Variants in KLB observed in about 807,000 individuals in gnomAD.
The protein encoded by KLB is beta-klotho.
Under a neutral mutation model 88.4 loss-of-function variants are expected in KLB, and 44 were observed. The ratio of observed to expected loss-of-function variants is 0.50; its 90% CI spans 0.39 to 0.64. The LOEUF (loss-of-function observed/expected upper bound fraction) is 0.64. Ranked by LOEUF, KLB falls within the 30% of genes least tolerant of loss-of-function variation. KLB has a pLI of 0.00. For missense variants in KLB, 1,137 were observed against 1,304.8 expected, an observed-to-expected ratio of 0.87 and a Z score of 1.98; for synonymous variants, 548 against 513.4, an observed-to-expected ratio of 1.07 and a Z score of -0.91.
intron 1 of KLB, among the ~76,000 whole-genome samples, chr4:39,432,024 C>T (rs1435131551): frequency 2.0e-5 from 3 of 152,134 alleles, no homozygotes; most frequent in Non-Finnish European, 4.4e-5. Context: ...CAGTGGCTCA[C>T]GCCTGTAATC....
intron 1 of KLB, among the ~76,000 whole-genome samples, chr4:39,409,442 G>C (rs954419725): frequency 6.6e-6 from 1 of 151,224 alleles, no homozygotes; most frequent in Admixed American, 6.6e-5. Flanking sequence ...ACAGGCACAT[G>C]CCACCAGCCC....
chr4:39,432,523 AT>A (rs1193588060), intron 1 of KLB, among the ~76,000 whole-genome samples: 5 of 151,486 alleles, frequency 3.3e-5, no homozygotes, highest in African/African-American at 9.7e-5. Context: ...CTGGCTTTTA[AT>A]TTTTTTTTAA....
chr4:39,411,809 G>T (rs137986619), intron 1 of KLB: 4 of 151,988 alleles, frequency 2.6e-5, no homozygotes, highest in Admixed American at 1.3e-4. Flanking sequence ...AACATAGCAA[G>T]ACCCCCTTCT....
In KLB at chr4:39,437,897, A is replaced by G. The variant is rs556750255; in HGVS notation, c.1507A>G (p.Ile503Val). The G allele has an allele frequency of 1.2e-6, 2 of 1,612,388 alleles. No homozygotes were observed. Among genetic ancestry groups the G allele is most frequent in the African/African-American group, 2.7e-5 (2 of 75,020 alleles). Residue 503 changes from isoleucine to valine, a missense_variant, in exon 3 of 5, where the codon ATA becomes GTA. Ile to Val is a conservative substitution (Grantham distance 29). Coordinates refer to ENST00000257408, the MANE Select transcript of KLB (RefSeq NM_175737.4). ...TTCAGCACACTACTACAAACAGATC[A>G]TACGAGAAAATGGTTTTTCTTTAAA... ...KSSAHYYKQI[I>V]RENGFSLKES...
rs1305509971 is a variant in KLB at position 39,415,011 on chromosome 4, G to A, written c.825+7237G>A. On this transcript the variant is annotated intron_variant, in intron 1 of 4. Coordinates refer to ENST00000257408, the MANE Select transcript of KLB (RefSeq NM_175737.4). ...GGTTTTTTGGTTTGTTTTTTGAGAA[G>A]GAGTGATTCTCCTGCCTCAGCCTCC... Among the ~76,000 whole-genome samples the A allele has an allele frequency of 2.0e-5, 3 of 151,780 alleles. No individual in the cohort carries two copies. In the East Asian group the frequency reaches 5.8e-4, roughly 29 times the overall value.
At chr4:39,434,135 A>G in intron 1 of KLB, 75 bp from the exon 2 acceptor site, 1 of 1,363,792 alleles carries the variant, frequency 7.3e-7, no homozygotes, top group Non-Finnish European at 1.0e-6. Context: ...TTATCCATGA[A>G]AAGGCCATTT....
At position 39,438,956 on chromosome 4, in the gene KLB, GCA is replaced by G. The variant is rs540672668; in HGVS notation, c.1605+964_1605+965del. ...ACATACTGTCTTCAAGCTTCCACAT[GCA>G]CAGTGATTTAACTGCTCTATGTATG... On this transcript the variant is annotated intron_variant, in intron 3 of 4. Transcript: ENST00000257408. Among the ~76,000 whole-genome samples, 660 of 151,612 alleles carry G rather than the reference GCA, an allele frequency of 4.4e-3. 4 individuals are homozygous for G. The highest frequency in any genetic ancestry group is 0.016 in the African/African-American group (644 of 41,326).
chr4:39,432,216 G>C (rs1743380705), intron 1 of KLB, among the ~76,000 whole-genome samples: 1 of 152,188 alleles, frequency 6.6e-6, no homozygotes, highest in South Asian at 2.1e-4. Flanking sequence ...GAACCTGAGA[G>C]GTGGAGGTTG....
chr4:39,442,150 A>G (rs1743612566), intron 3 of KLB, among the ~76,000 whole-genome samples: 1 of 152,046 alleles, frequency 6.6e-6, no homozygotes, highest in Admixed American at 6.6e-5. Flanking sequence ...AGGCTGAGGC[A>G]GGAGAATCGC....
At chr4:39,408,905 GTAATT>G (rs1036404661) in intron 1 of KLB, among the ~76,000 whole-genome samples, 1 of 105,676 alleles carries the variant, frequency 9.5e-6, no homozygotes, top group Non-Finnish European at 2.4e-5. Flanking sequence ...GCTACAAAAA[GTAATT>G]TAATTATTAA....
intron 3 of KLB, among the ~76,000 whole-genome samples, chr4:39,440,343 C>T (rs1278600719): frequency 6.6e-6 from 1 of 150,912 alleles, no homozygotes; most frequent in Non-Finnish European, 1.5e-5. Context: ...TGGGGTTTCA[C>T]TTTGTTGACC....
At chr4:39,433,815 G>C (rs919348243) in intron 1 of KLB, among the ~76,000 whole-genome samples, 1 of 151,992 alleles carries the variant, frequency 6.6e-6, no homozygotes, top group African/African-American at 2.4e-5. Flanking sequence ...AGCTGAGATC[G>C]CACCACTACA....
chr4:39,447,024 G>C lies in KLB; in HGVS notation c.2298G>C (p.Gln766His), dbSNP rs140355451. 1 of 1,611,440 alleles carries C rather than the reference G, an allele frequency of 6.2e-7. No individual in the cohort carries two copies. The highest frequency in any genetic ancestry group is 1.1e-5 in the South Asian group (1 of 91,078). ...SHWRAAERFL[Q>H]FEIAWFAEPL... ...GGAGGGCGGCCGAGCGCTTCCTGCA[G>C]TTCGAGATCGCCTGGTTCGCCGAGC... Residue 766 changes from glutamine (Q) to histidine (H), a missense_variant, in exon 4 of 5, where the codon CAG becomes CAC. Gln to His is a conservative substitution (Grantham distance 24). Coordinates refer to ENST00000257408, the MANE Select transcript of KLB (RefSeq NM_175737.4).
In KLB at chr4:39,450,052, GCAA is replaced by G; in HGVS notation, c.*1370_*1372del. 1 of 152,234 alleles carries G rather than the reference GCAA, an allele frequency of 6.6e-6. No homozygotes were observed. The highest frequency in any genetic ancestry group is 1.9e-4 in the East Asian group (1 of 5,206). The allele number at this position is 152,234 out of a possible 1,614,324, so 9.4% of individuals were successfully genotyped here. A position where few individuals can be genotyped will look rare whatever the true frequency, so the allele number is the denominator to read the frequency against. On this transcript the variant is annotated 3_prime_UTR_variant, in exon 5 of 5. Transcript: ENST00000257408. Reference sequence around the variant, plus strand: ...TAGAAGTTGCTATACTGTAAGTAAAGCAACAATTCAGAATACTGAATGAGTTTA... The same window carrying G: ...TAGAAGTTGCTATACTGTAAGTAAAGCAATTCAGAATACTGAATGAGTTTA...
chr4:39,421,422 C>G (rs1743080355), intron 1 of KLB, among the ~76,000 whole-genome samples: 1 of 151,984 alleles, frequency 6.6e-6, no homozygotes, highest in Admixed American at 6.6e-5. Flanking sequence ...TGAGGGGCAC[C>G]CCAGGTGGTG....
chr4:39,408,726 G>C, intron 1 of KLB, among the ~76,000 whole-genome samples: 1 of 147,178 alleles, frequency 6.8e-6, no homozygotes, highest in Non-Finnish European at 1.5e-5. Flanking sequence ...AGAATGCTTT[G>C]AAAAGAAGAC....
chr4:39,427,278 T>C (rs1257337594), intron 1 of KLB, among the ~76,000 whole-genome samples: 1 of 150,294 alleles, frequency 6.7e-6, no homozygotes, highest in Admixed American at 6.6e-5. Flanking sequence ...AGGTCAGGAG[T>C]TCAAGACCAG....
At chr4:39,414,871 GAAAAA>G (rs1009834880) in intron 1 of KLB, among the ~76,000 whole-genome samples, 2 of 50,312 alleles carry the variant, frequency 4.0e-5, no homozygotes, top group South Asian at 6.5e-4. Context: ...TCTGTCTCAG[GAAAAA>G]AAAAAAAAAA....
At chr4:39,434,163 C>A in intron 1 of KLB, 47 bp from the exon 2 acceptor site, 5 of 1,528,422 alleles carry the variant, frequency 3.3e-6, no homozygotes, top group Non-Finnish European at 4.4e-6. Context: ...ATGTTACAGC[C>A]CTTGTAAGTG....
Sources: gnomAD v4.1 joint callset for allele counts (sites outside exome capture counted in the v4.1 genomes callset) on GRCh38, gnomAD v4.1.1 for gene constraint, MANE v1.5 for transcripts, NCBI Gene and HGNC (gene_info 2026-07-23, HGNC 2026-07-21) for gene names.